ADGRL3: variants seen among roughly 807,000 people sequenced by gnomAD.
The protein encoded by ADGRL3 is adhesion G protein-coupled receptor L3.
A neutral mutation model predicts 153.5 loss-of-function variants in ADGRL3; 62 were observed. That is an observed-to-expected ratio of 0.40 (90% confidence interval 0.33 to 0.50). The LOEUF is 0.50. ADGRL3 is among the 20% of genes least tolerant of loss of function. ADGRL3 has a pLI of 0.47. For synonymous variants in ADGRL3, 710 were observed against 672.5 expected (o/e 1.06, Z -0.86); for missense variants, 1,641 against 1,859.4 (o/e 0.88, Z 2.16).
chr4:61,723,038 C>A (rs2096267240), intron 6 of ADGRL3, among the ~76,000 whole-genome samples: 1 of 152,126 alleles, frequency 6.6e-6, no homozygotes, highest in South Asian at 2.1e-4. Flanking sequence ...AAATAGATGA[C>A]ATTTTCCATA....
Position 61,412,659 on chromosome 4 carries a change from T to C in ADGRL3, c.-174+29470T>C, listed in dbSNP as rs761672222. On this transcript the variant is annotated intron_variant, in intron 2 of 26. Transcript: ENST00000683033. ...TCCACATTGGACAGTGCTATTGCTGTATCCTAAAGTTAGCTAACTTGATTC... is the reference window on the plus strand; with the variant it reads ...TCCACATTGGACAGTGCTATTGCTGCATCCTAAAGTTAGCTAACTTGATTC... Among the ~76,000 whole-genome samples, 3 of 152,338 alleles carry C rather than the reference T, an allele frequency of 2.0e-5. No homozygotes were observed. The South Asian group carries it at 6.2e-4, about 32-fold the overall frequency.
intron 8 of ADGRL3, among the ~76,000 whole-genome samples, chr4:61,749,892 G>T (rs202192602): frequency 7.8e-6 from 1 of 127,742 alleles, no homozygotes; most frequent in South Asian, 2.2e-4. Context: ...TAAAAATAAA[G>T]AAAAAGACAA....
chr4:61,302,433 G>A (rs1435683960), intron 1 of ADGRL3, among the ~76,000 whole-genome samples: 3 of 151,964 alleles, frequency 2.0e-5, no homozygotes, highest in Admixed American at 6.6e-5. Flanking sequence ...TAAAAAACTA[G>A]GTATTGGATT....
intron 1 of ADGRL3, among the ~76,000 whole-genome samples, chr4:61,232,933 C>A (rs1751362663): frequency 6.6e-6 from 1 of 152,134 alleles, no homozygotes; most frequent in South Asian, 2.1e-4. Flanking sequence ...TGTAATCAGA[C>A]TCATAGTTTT....
chr4:61,287,474 A>G (rs1005901689), intron 1 of ADGRL3, among the ~76,000 whole-genome samples: 3 of 151,990 alleles, frequency 2.0e-5, no homozygotes, highest in Admixed American at 6.6e-5. Flanking sequence ...GCAACGAGGG[A>G]TAAGAGATCA....
At chr4:61,248,071 A>C (rs1244130620) in intron 1 of ADGRL3, among the ~76,000 whole-genome samples, 1 of 152,108 alleles carries the variant, frequency 6.6e-6, no homozygotes. Context: ...ATTTCATTTA[A>C]AAGGTTTAGA....
intron 8 of ADGRL3, among the ~76,000 whole-genome samples, chr4:61,780,065 C>T (rs2097196955): frequency 1.3e-5 from 2 of 152,168 alleles, no homozygotes; most frequent in South Asian, 4.1e-4. Flanking sequence ...TGTATCTTAG[C>T]ATGAGTAAGT....
At chr4:61,482,965 A>G (rs2098147354) in intron 2 of ADGRL3, among the ~76,000 whole-genome samples, 2 of 152,210 alleles carry the variant, frequency 1.3e-5, no homozygotes, top group Admixed American at 6.5e-5. Context: ...GTATAATACT[A>G]TCTGACTCAA....
intron 2 of ADGRL3, chr4:61,420,319 T>G (rs974627797): frequency 1.3e-5 from 2 of 150,128 alleles, no homozygotes; most frequent in African/African-American, 4.9e-5. Flanking sequence ...TTGGTTTCCA[T>G]AAAATATTCA....
intron 3 of ADGRL3, among the ~76,000 whole-genome samples, chr4:61,508,785 A>T (rs773893178): frequency 2.0e-5 from 3 of 152,038 alleles, no homozygotes; most frequent in African/African-American, 7.2e-5. Context: ...GTCCGTTTTC[A>T]TGCTGCTGAT....
intron 8 of ADGRL3, among the ~76,000 whole-genome samples, chr4:61,759,655 CCTT>C (rs372170356): frequency 0.087 from 13,189 of 152,038 alleles, 1,202 homozygotes; most frequent in African/African-American, 0.23. Context: ...TCATCTGAAG[CCTT>C]CTTCTCTCAA....
chr4:61,661,171 T>A (rs957323923), intron 5 of ADGRL3, among the ~76,000 whole-genome samples: 19 of 151,544 alleles, frequency 1.3e-4, no homozygotes, highest in African/African-American at 3.9e-4. Context: ...TATTCACTAA[T>A]GTTATCTAAC....
intron 1 of ADGRL3, among the ~76,000 whole-genome samples, chr4:61,281,925 C>T (rs1018127838): frequency 2.6e-5 from 4 of 151,968 alleles, no homozygotes; most frequent in African/African-American, 9.7e-5. Context: ...GTGAATATAC[C>T]TTCCAAACCA....
At chr4:61,492,032 C>CAAAG (rs1003859213) in intron 2 of ADGRL3, among the ~76,000 whole-genome samples, 4 of 151,696 alleles carry the variant, frequency 2.6e-5, no homozygotes, top group African/African-American at 9.7e-5. Context: ...AACAAACAAA[C>CAAAG]AAACAAACAA....
At chr4:61,596,389 T>G (rs964516176) in intron 5 of ADGRL3, among the ~76,000 whole-genome samples, 4 of 152,200 alleles carry the variant, frequency 2.6e-5, no homozygotes, top group African/African-American at 9.6e-5. Flanking sequence ...CAGTCAAACC[T>G]TTTGCTAATA....
At chr4:61,717,186 C>T (rs1407846949) in intron 6 of ADGRL3, among the ~76,000 whole-genome samples, 1 of 140,770 alleles carries the variant, frequency 7.1e-6, no homozygotes, top group East Asian at 2.2e-4. Flanking sequence ...TTCTGTAGGC[C>T]ACATAGTTTA....
intron 24 of ADGRL3, among the ~76,000 whole-genome samples, chr4:62,042,642 T>G (rs1004332703): frequency 1.4e-4 from 22 of 151,880 alleles, no homozygotes; most frequent in African/African-American, 5.1e-4. Flanking sequence ...AATAATAACT[T>G]CATCAACTCC....
chr4:61,261,600 A>G (rs1217734021), intron 1 of ADGRL3, among the ~76,000 whole-genome samples: 1 of 152,130 alleles, frequency 6.6e-6, no homozygotes, highest in African/African-American at 2.4e-5. Context: ...TTCCCATGGA[A>G]TTTGGCCAAC....
At chr4:61,917,718 C>T (rs555837589) in intron 13 of ADGRL3, among the ~76,000 whole-genome samples, 37 of 147,962 alleles carry the variant, frequency 2.5e-4, no homozygotes, top group African/African-American at 9.6e-4. Flanking sequence ...AATGAATTAC[C>T]GAGGTGATAT....
Sources: gnomAD v4.1 joint callset for allele counts (sites outside exome capture counted in the v4.1 genomes callset) on GRCh38, gnomAD v4.1.1 for gene constraint, MANE v1.5 for transcripts, NCBI Gene and HGNC (gene_info 2026-07-23, HGNC 2026-07-21) for gene names.